Variants in VKORC1L1 observed in about 807,000 individuals in gnomAD.
VKORC1L1 encodes the protein vitamin K epoxide reductase complex subunit 1L1, also known as vitamin K epoxide reductase complex subunit 1-like protein 1.
VKORC1L1 carries 2 observed loss-of-function variants against 18.9 expected under a neutral mutation model. The observed-to-expected ratio is 0.11, with a 90% CI of 0.04 to 0.33. The LOEUF is 0.33. Ranked by LOEUF, VKORC1L1 falls within the 10% of genes least tolerant of loss-of-function variation. The pLI is 1.00. For missense variants in VKORC1L1, 123 were observed against 224.1 expected, an observed-to-expected ratio of 0.55 and a Z score of 2.88; for synonymous variants, 96 against 100.0, an observed-to-expected ratio of 0.96 and a Z score of 0.24.
At chr7:65,867,715 C>T in the VKORC1L1 span, among the ~76,000 whole-genome samples, 1 of 152,124 alleles carries the variant, frequency 6.6e-6, no homozygotes, top group Non-Finnish European at 1.5e-5. Flanking sequence ...CCAGGAAGAC[C>T]ATGGAGAAAA....
At chr7:65,917,275 C>T (rs1207095433) in intron 1 of VKORC1L1, among the ~76,000 whole-genome samples, 1 of 152,128 alleles carries the variant, frequency 6.6e-6, no homozygotes, top group African/African-American at 2.4e-5. Flanking sequence ...TTTCTCTGTG[C>T]GTTGATTTAG....
chr7:65,944,500 G>C (rs1262519797), intron 1 of VKORC1L1, among the ~76,000 whole-genome samples: 1 of 151,968 alleles, frequency 6.6e-6, no homozygotes, highest in Non-Finnish European at 1.5e-5. Flanking sequence ...TTTTGTATGC[G>C]TTTTGTTTTT....
At chr7:65,934,294 A>G (rs1002566778) in intron 1 of VKORC1L1, among the ~76,000 whole-genome samples, 2 of 152,190 alleles carry the variant, frequency 1.3e-5, no homozygotes, top group Non-Finnish European at 2.9e-5. Context: ...ATGGAGTACA[A>G]CATGATGTTA....
intron 1 of VKORC1L1, among the ~76,000 whole-genome samples, chr7:65,902,997 G>GC (rs1789344801): frequency 6.6e-6 from 1 of 152,006 alleles, no homozygotes; most frequent in Non-Finnish European, 1.5e-5. Context: ...CTACTGAGTA[G>GC]CTGGGATTAC....
At chr7:65,879,417 G>A (rs1330220888) in intron 1 of VKORC1L1, among the ~76,000 whole-genome samples, 3 of 152,188 alleles carry the variant, frequency 2.0e-5, no homozygotes, top group Non-Finnish European at 2.9e-5. Flanking sequence ...AGAGATAAAT[G>A]TTAATACTTA....
chr7:65,927,966 C>T (rs921328687), intron 1 of VKORC1L1, among the ~76,000 whole-genome samples: 1 of 152,064 alleles, frequency 6.6e-6, no homozygotes, highest in Admixed American at 6.6e-5. Context: ...GAGGAGGGAG[C>T]GGTGTTGGCT....
chr7:65,887,018 T>C (rs1789026762), intron 1 of VKORC1L1, among the ~76,000 whole-genome samples: 1 of 150,152 alleles, frequency 6.7e-6, no homozygotes, highest in South Asian at 2.1e-4. Flanking sequence ...CCTGGCTGAT[T>C]TTACATGTTT....
chr7:65,946,790 ATGAG>A (rs1159023543), intron 1 of VKORC1L1, among the ~76,000 whole-genome samples: 1 of 152,122 alleles, frequency 6.6e-6, no homozygotes, highest in Non-Finnish European at 1.5e-5. Context: ...AAGTATTTAG[ATGAG>A]TGAAAGAATA....
chr7:65,909,690 T>TGTGTGTGTGTG lies in VKORC1L1; in HGVS notation c.194+36125_194+36126insGTGTGTGTGTG, dbSNP rs1789468369. Among the ~76,000 whole-genome samples, 434 of 123,834 alleles carry TGTGTGTGTGTG rather than the reference T, an allele frequency of 3.5e-3. 11 individuals carry two copies. The highest frequency in any genetic ancestry group is 0.013 in the African/African-American group (412 of 31,738). The allele number at this position is 123,834 out of a possible 152,430, so 81.2% of individuals were successfully genotyped here. ...AAGCTTCTAACTTTTGTTTTAGCCT[T>TGTGTGTGTGTG]TGTGTGTGTGTGTGTGTGTGTGTGT... is the stretch of plus-strand genomic sequence containing the variant. On this transcript the variant is annotated intron_variant, in intron 1 of 2. Transcript: ENST00000360768.
At chr7:65,870,675 T>A (rs1324518478), upstream of VKORC1L1, among the ~76,000 whole-genome samples, 1 of 152,212 alleles carries the variant, frequency 6.6e-6, no homozygotes, top group Non-Finnish European at 1.5e-5. Flanking sequence ...AGAAGCCAGA[T>A]GATCAAGAGA....
chr7:65,868,054 C>A, the VKORC1L1 span, among the ~76,000 whole-genome samples: 1 of 152,198 alleles, frequency 6.6e-6, no homozygotes, highest in Non-Finnish European at 1.5e-5. Flanking sequence ...CCCATGTTGG[C>A]CAGGCTGGTC....
intron 1 of VKORC1L1, among the ~76,000 whole-genome samples, chr7:65,926,204 G>A (rs1789761924): frequency 6.6e-6 from 1 of 151,848 alleles, no homozygotes; most frequent in South Asian, 2.1e-4. Flanking sequence ...TGCCCAGGCT[G>A]GAGTGAAGTG....
At chr7:65,890,292 G>A (rs772182727) in intron 1 of VKORC1L1, among the ~76,000 whole-genome samples, 1 of 151,860 alleles carries the variant, frequency 6.6e-6, no homozygotes, top group Non-Finnish European at 1.5e-5. Context: ...CACCACGCCC[G>A]GCTAATTTTT....
At position 65,955,486 on chromosome 7, in the gene VKORC1L1, T is replaced by G. The variant is rs1027997259; in HGVS notation, c.*1186T>G. The G allele has an allele frequency of 1.3e-5, 2 of 152,254 alleles. No individual in the cohort carries two copies. Among genetic ancestry groups the G allele is most frequent in the Non-Finnish European group, 2.9e-5 (2 of 68,046 alleles). The allele number at this position is 152,254 out of a possible 1,614,324, so 9.4% of individuals were successfully genotyped here. On this transcript the variant is annotated 3_prime_UTR_variant, in exon 3 of 3. Transcript: ENST00000360768. The stretch of plus-strand genomic sequence containing the variant: ...CAGGTAGACACATCTCAAGGCTAAA[T>G]CTGCTCATGTCGCCACTGCTCTCAT...
intron 1 of VKORC1L1, among the ~76,000 whole-genome samples, chr7:65,876,495 C>T (rs1023748249): frequency 2.7e-5 from 4 of 149,612 alleles, no homozygotes; most frequent in Non-Finnish European, 3.0e-5. Context: ...GAACGAGACT[C>T]TGTCTTTAAA....
chr7:65,951,979 G>A (rs1213827693), intron 2 of VKORC1L1, among the ~76,000 whole-genome samples: 2 of 152,124 alleles, frequency 1.3e-5, no homozygotes, highest in African/African-American at 4.8e-5. Context: ...GTACCTAGCT[G>A]CATTACAGTA....
At chr7:65,892,356 A>G (rs1174109270) in intron 1 of VKORC1L1, among the ~76,000 whole-genome samples, 1 of 152,284 alleles carries the variant, frequency 6.6e-6, no homozygotes, top group Admixed American at 6.5e-5. Context: ...TTTTTTGAGG[A>G]ACGTCCACAT....
intron 1 of VKORC1L1, among the ~76,000 whole-genome samples, chr7:65,912,370 G>A (rs551671633): frequency 3.3e-5 from 5 of 152,186 alleles, no homozygotes; most frequent in Non-Finnish European, 5.9e-5. Context: ...ATTGTGTGCT[G>A]GAGCTTGTGG....
intron 1 of VKORC1L1, among the ~76,000 whole-genome samples, chr7:65,941,463 TAAA>T (rs1790031641): frequency 6.6e-6 from 1 of 152,088 alleles, no homozygotes; most frequent in Non-Finnish European, 1.5e-5. Flanking sequence ...ATGTGCCTTG[TAAA>T]AAATAATTTT....
Sources: gnomAD v4.1 joint callset for allele counts (sites outside exome capture counted in the v4.1 genomes callset) on GRCh38, gnomAD v4.1.1 for gene constraint, MANE v1.5 for transcripts, NCBI Gene and HGNC (gene_info 2026-07-23, HGNC 2026-07-21) for gene names.